The following AGBL1 variants were observed in gnomAD, a reference collection of about 807,000 sequenced individuals.
The protein encoded by AGBL1 is AGBL carboxypeptidase 1.
A neutral mutation model predicts 118.9 loss-of-function variants in AGBL1; 130 were observed. That is an observed-to-expected ratio of 1.09 (90% CI 0.95 to 1.26). The LOEUF is 1.26. Ranked by LOEUF, AGBL1 falls within the 50% of genes most tolerant of loss-of-function variation. The pLI is 0.00. For missense variants in AGBL1, 1,584 were observed against 1,298.1 expected (o/e 1.22, Z -3.38); for synonymous variants, 555 against 478.9 (o/e 1.16, Z -2.08).
At chr15:86,274,582 G>A (rs78140430) in intron 15 of AGBL1, among the ~76,000 whole-genome samples, 4,604 of 152,254 alleles carry the variant, frequency 0.03, 231 homozygotes, top group African/African-American at 0.11. Context: ...AGGGGAGCTA[G>A]CTGTTCCCAC....
At chr15:86,502,613 CAT>C (rs1274848163) in intron 18 of AGBL1, among the ~76,000 whole-genome samples, 1 of 143,702 alleles carries the variant, frequency 7.0e-6, no homozygotes, top group East Asian at 2.1e-4. Context: ...TTTTTTTTAA[CAT>C]GTTTTTATTA....
intron 17 of AGBL1, among the ~76,000 whole-genome samples, chr15:86,347,025 C>A (rs113868097): frequency 6.6e-6 from 1 of 151,992 alleles, no homozygotes; most frequent in Admixed American, 6.6e-5. Context: ...TAGCATCTGA[C>A]GGTTTATTGA....
intron 21 of AGBL1, among the ~76,000 whole-genome samples, chr15:86,658,792 T>C (rs2085498067): frequency 5.3e-5 from 8 of 152,146 alleles, no homozygotes; most frequent in Admixed American, 5.2e-4. Context: ...GGCCATGTGT[T>C]TGGGGTTTGA....
intron 18 of AGBL1, among the ~76,000 whole-genome samples, chr15:86,423,136 A>G (rs2081815003): frequency 6.6e-6 from 1 of 152,226 alleles, no homozygotes; most frequent in South Asian, 2.1e-4. Context: ...CACAACAGAA[A>G]AGAAAAGTTC....
At chr15:86,396,025 A>C (rs1285225076) in intron 17 of AGBL1, among the ~76,000 whole-genome samples, 1 of 151,648 alleles carries the variant, frequency 6.6e-6, no homozygotes, top group South Asian at 2.1e-4. Context: ...CACTTAACAC[A>C]ATGTCCTCCA....
intron 22 of AGBL1, among the ~76,000 whole-genome samples, chr15:86,904,982 A>AT (rs201038896): frequency 0.021 from 3,194 of 152,314 alleles, 31 homozygotes; most frequent in Non-Finnish European, 0.032. Context: ...CATGTTAATG[A>AT]TAAAAATAAA....
intron 24 of AGBL1, among the ~76,000 whole-genome samples, chr15:87,009,373 T>C (rs936327938): frequency 7.9e-5 from 12 of 152,306 alleles, no homozygotes; most frequent in Non-Finnish European, 1.0e-4. Flanking sequence ...AAGTCAAGAA[T>C]TGAGGTTTGG....
chr15:87,005,592 T>G (rs2081490294), intron 24 of AGBL1, among the ~76,000 whole-genome samples: 1 of 152,180 alleles, frequency 6.6e-6, no homozygotes, highest in Non-Finnish European at 1.5e-5. Context: ...GCCATTTGTC[T>G]AATCTTTTTT....
At chr15:86,851,702 G>A (rs1164869611) in intron 22 of AGBL1, among the ~76,000 whole-genome samples, 1 of 152,198 alleles carries the variant, frequency 6.6e-6, no homozygotes, top group Non-Finnish European at 1.5e-5. Flanking sequence ...ATGGGCAGTA[G>A]CAGGAAAGAA....
Position 86,170,599 on chromosome 15 carries a change from C to A in AGBL1, c.488+11573C>A, listed in dbSNP as rs146159514. Among the ~76,000 whole-genome samples the A allele has an allele frequency of 3.4e-3, 524 of 152,078 alleles. 3 individuals carry two copies. Among genetic ancestry groups the A allele is most frequent in the African/African-American group, 0.012 (508 of 41,502 alleles). On this transcript the variant is annotated intron_variant, in intron 5 of 22. Coordinates refer to ENST00000614907, the MANE Select transcript of AGBL1 (RefSeq NM_001386094.1). The stretch of plus-strand genomic sequence containing the variant: ...GTGGCTTATGCCTGTAATCCCAGCA[C>A]TTTGGGAGGCTGAGTTGGGCAGATT...
intron 21 of AGBL1, among the ~76,000 whole-genome samples, chr15:86,627,505 A>G (rs984115662): frequency 2.6e-5 from 4 of 152,214 alleles, no homozygotes; most frequent in Non-Finnish European, 5.9e-5. Context: ...TATTAGAGAC[A>G]GGGCAAACAG....
intron 1 of AGBL1, among the ~76,000 whole-genome samples, chr15:86,081,536 T>A (rs1329045092): frequency 6.6e-6 from 1 of 152,214 alleles, no homozygotes; most frequent in Non-Finnish European, 1.5e-5. Context: ...TCTATCTGAT[T>A]CATGCAAGGT....
At chr15:86,541,689 G>C (rs541450855) in intron 19 of AGBL1, among the ~76,000 whole-genome samples, 1 of 150,272 alleles carries the variant, frequency 6.7e-6, no homozygotes, top group Non-Finnish European at 1.5e-5. Context: ...CAAGCCTCAC[G>C]TATTAGTAGC....
intron 23 of AGBL1, among the ~76,000 whole-genome samples, chr15:86,958,336 C>T (rs191271614): frequency 6.6e-6 from 1 of 152,156 alleles, no homozygotes. Context: ...GAAATGTCTC[C>T]AGACATTGCC....
At chr15:86,823,889 C>A (rs1266428872) in intron 22 of AGBL1, among the ~76,000 whole-genome samples, 1 of 151,992 alleles carries the variant, frequency 6.6e-6, no homozygotes, top group East Asian at 1.9e-4. Context: ...TCATTAAAAC[C>A]TTTCATCTCA....
At chr15:86,138,969 A>G (rs1214938167) in intron 1 of AGBL1, among the ~76,000 whole-genome samples, 1 of 152,166 alleles carries the variant, frequency 6.6e-6, no homozygotes, top group Admixed American at 6.5e-5. Context: ...CCCCCAAATA[A>G]TAGATCAGTT....
chr15:86,335,447 A>G (rs550772924), intron 17 of AGBL1, among the ~76,000 whole-genome samples: 1 of 152,216 alleles, frequency 6.6e-6, no homozygotes, highest in South Asian at 2.1e-4. Context: ...CTAGATTGAG[A>G]AGTTCGAAGA....
chr15:86,554,450 C>A lies in AGBL1; in HGVS notation c.2907C>A (p.Ala969=), dbSNP rs1363007766. Residue 969 remains alanine (A), a synonymous_variant, in exon 21 of 23, where the codon GCC becomes GCA. Coordinates refer to ENST00000614907, the MANE Select transcript of AGBL1 (RefSeq NM_001386094.1). ...FLVEKSRAST[A]RVVVWREMGV... ...TGGAGAAATCTCGAGCTTCCACGGC[C>A]CGGGTGGTGGTGTGGAGAGAGATGG... The A allele has an allele frequency of 3.8e-6, 6 of 1,588,588 alleles. No homozygotes were observed. In the East Asian group the frequency reaches 1.1e-4, roughly 30 times the overall value.
chr15:86,808,369 C>G (rs1402969561), intron 22 of AGBL1, among the ~76,000 whole-genome samples: 1 of 152,178 alleles, frequency 6.6e-6, no homozygotes, highest in Non-Finnish European at 1.5e-5. Context: ...CAAGATTTCA[C>G]TAGCATGTCA....
Sources: gnomAD v4.1 joint callset for allele counts (sites outside exome capture counted in the v4.1 genomes callset) on GRCh38, gnomAD v4.1.1 for gene constraint, MANE v1.5 for transcripts, NCBI Gene and HGNC (gene_info 2026-07-23, HGNC 2026-07-21) for gene names.